Variants in ANKRD55 observed in about 807,000 individuals in gnomAD.
The protein encoded by ANKRD55 is ankyrin repeat domain-containing protein 55.
In ANKRD55, 41 loss-of-function variants were observed where a neutral mutation model predicts 60.6. That is an observed-to-expected ratio of 0.68 (90% CI 0.53 to 0.88). The LOEUF (loss-of-function observed/expected upper bound fraction) is 0.88, where lower values mean the gene tolerates loss of function less well. ANKRD55 is among the 40% of genes least tolerant of loss of function. ANKRD55 has a pLI of 0.00. For synonymous variants in ANKRD55, 264 were observed against 290.3 expected (o/e 0.91, Z 0.92); for missense variants, 732 against 767.6 (o/e 0.95, Z 0.55).
At chr5:56,145,617 T>C (rs1757878137) in intron 6 of ANKRD55, among the ~76,000 whole-genome samples, 1 of 152,200 alleles carries the variant, frequency 6.6e-6, no homozygotes, top group Non-Finnish European at 1.5e-5. Flanking sequence ...ATAGGTGCCA[T>C]TGTACTTCTC....
intron 7 of ANKRD55, among the ~76,000 whole-genome samples, chr5:56,132,094 T>A (rs1246325615): frequency 1.3e-5 from 2 of 151,436 alleles, no homozygotes; most frequent in Non-Finnish European, 2.9e-5. Context: ...TAGGGACAGG[T>A]GGAAGGAATT....
At chr5:56,162,116 T>C (rs1342750128) in intron 5 of ANKRD55, 2 of 776,038 alleles carry the variant, frequency 2.6e-6, no homozygotes, top group Non-Finnish European at 3.1e-6. Flanking sequence ...AGGTCAGCTG[T>C]GGTCCAGTGT....
chr5:56,200,281 T>G (rs951340762), intron 2 of ANKRD55, among the ~76,000 whole-genome samples: 1 of 152,172 alleles, frequency 6.6e-6, no homozygotes, highest in Non-Finnish European at 1.5e-5. Context: ...TGTATTTTGC[T>G]AATTCTGACC....
rs186273958 is a variant in ANKRD55, at chr5:56,113,312, C to T, written c.966-1530G>A. 1.5e-3 allele frequency among the ~76,000 whole-genome samples: 226 copies of T among 152,108 alleles called. 1 individual carries two copies. Among genetic ancestry groups the T allele is most frequent in the Admixed American group, 2.2e-3 (34 of 15,272 alleles). On this transcript the variant is annotated intron_variant, in intron 9 of 11. Coordinates refer to ENST00000341048, the MANE Select transcript of ANKRD55 (RefSeq NM_024669.3). The stretch of plus-strand genomic sequence containing the variant: ...AGGTGGTGGGTAAAATGGTGGCTGC[C>T]TCAGTACAAATCAGGACAATAGTGG...
intron 6 of ANKRD55, among the ~76,000 whole-genome samples, chr5:56,147,973 C>A (rs1475903282): frequency 6.6e-6 from 1 of 152,202 alleles, no homozygotes; most frequent in Non-Finnish European, 1.5e-5. Context: ...GGGCAAACAT[C>A]AGGCTTAGCA....
chr5:56,104,616 G>A (rs1482089176), intron 10 of ANKRD55, among the ~76,000 whole-genome samples: 1 of 151,942 alleles, frequency 6.6e-6, no homozygotes, highest in Non-Finnish European at 1.5e-5. Flanking sequence ...GATAGGAAAT[G>A]TTTTCACAGT....
intron 7 of ANKRD55, among the ~76,000 whole-genome samples, chr5:56,128,913 C>T (rs17645980): frequency 0.17 from 26,304 of 152,184 alleles, 2,657 homozygotes; most frequent in South Asian, 0.23. Context: ...CATGTTCATA[C>T]TGGAGGAACT....
Position 56,159,833 on chromosome 5 carries a change from C to G in ANKRD55, c.483G>C (p.Glu161Asp), listed in dbSNP as rs762165503. 3 of 1,613,652 alleles carry G rather than the reference C, an allele frequency of 1.9e-6. No homozygotes were observed. The African/African-American group carries it at 4.0e-5, about 22-fold the overall frequency. ...CTTGTTGCTTGAGAGTGTGGCTCAC[C>G]TCATTGTCCTGGTGATTAATCTCGC... ...NISEINHQDN[E>D]GMTPLHWAAF... The change falls in exon 6 of 12, where the codon GAG becomes GAC. Residue 161 changes from glutamate (E) to aspartate (D), a missense_variant and splice_region_variant. Physicochemically the swap from Glu to Asp is conservative, Grantham distance 45 (BLOSUM62 2). Around this residue, in one of 3 missense-constraint regions of ANKRD55, gnomAD observed 597 missense variants for 607.5 expected, o/e 0.98. Transcript: ENST00000341048.
At chr5:56,161,002 A>G (rs1758314647) in intron 5 of ANKRD55, 1 of 152,176 alleles carries the variant, frequency 6.6e-6, no homozygotes, top group Non-Finnish European at 1.5e-5. Context: ...GATAAAAACT[A>G]CCTATCACAC....
At chr5:56,217,039 G>A (rs911226520) in intron 2 of ANKRD55, among the ~76,000 whole-genome samples, 1 of 152,206 alleles carries the variant, frequency 6.6e-6, no homozygotes, top group African/African-American at 2.4e-5. Context: ...TGCTTCAAAG[G>A]ACTCTTGTTA....
At chr5:56,187,368 A>G (rs1335704211) in intron 2 of ANKRD55, among the ~76,000 whole-genome samples, 3 of 152,260 alleles carry the variant, frequency 2.0e-5, no homozygotes, top group African/African-American at 7.2e-5. Context: ...GTCTGAGAGC[A>G]CAGCGGGAGG....
chr5:56,142,760 T>C (rs1275855085), intron 7 of ANKRD55, among the ~76,000 whole-genome samples: 1 of 152,192 alleles, frequency 6.6e-6, no homozygotes, highest in African/African-American at 2.4e-5. Context: ...GGGCAGAGAC[T>C]GGCAGCGATG....
intron 2 of ANKRD55, among the ~76,000 whole-genome samples, chr5:56,199,094 A>AACAAACAAACAG (rs2111854693): frequency 6.6e-6 from 1 of 151,866 alleles, no homozygotes; most frequent in Non-Finnish European, 1.5e-5. Flanking sequence ...CAAACAAACA[A>AACAAACAAACAG]ACAAACAAAC....
intron 8 of ANKRD55, among the ~76,000 whole-genome samples, chr5:56,117,143 CCTT>C (rs1756908907): frequency 6.6e-6 from 1 of 152,178 alleles, no homozygotes; most frequent in Admixed American, 6.5e-5. Flanking sequence ...TGTTTCTCCT[CCTT>C]CTGTAATACT....
At position 56,166,199 on chromosome 5, in the gene ANKRD55, T is replaced by TTCCTTCCTTCCTTCCTTCCTTCTC. The variant is rs769664867; in HGVS notation, c.422+4494_422+4495insGAGAAGGAAGGAAGGAAGGAAGGA. 1.4e-3 allele frequency among the ~76,000 whole-genome samples: 134 copies of TTCCTTCCTTCCTTCCTTCCTTCTC among 96,112 alleles called. 11 individuals are homozygous for TTCCTTCCTTCCTTCCTTCCTTCTC. Among genetic ancestry groups the TTCCTTCCTTCCTTCCTTCCTTCTC allele is most frequent in the African/African-American group, 6.3e-3 (108 of 17,192 alleles). 63.1% of individuals were successfully genotyped at this position (96,112 alleles called of 152,430 possible). A position where few individuals can be genotyped will look rare whatever the true frequency, so the allele number is the denominator to read the frequency against. ...CTTCCTTCCTTCCTTCCTTCCTTCC[T>TTCCTTCCTTCCTTCCTTCCTTCTC]TCTCTCTCTCTCTCTCTCTTTCTTT... is the stretch of plus-strand genomic sequence containing the variant. On this transcript the variant is annotated intron_variant, in intron 5 of 11. Transcript: ENST00000341048.
chr5:56,160,900 A>G (rs1338284615), intron 5 of ANKRD55: 1 of 152,214 alleles, frequency 6.6e-6, no homozygotes, highest in Non-Finnish European at 1.5e-5. Context: ...GCTTGGGTTT[A>G]CATCCCAGCC....
At position 56,168,788 on chromosome 5, in the gene ANKRD55, G is replaced by C. The variant is rs140036586; in HGVS notation, c.422+1906C>G. Among the ~76,000 whole-genome samples the C allele has an allele frequency of 8.5e-5, 13 of 152,316 alleles. No homozygotes were observed. The East Asian group carries it at 2.5e-3, about 29-fold the overall frequency. On this transcript the variant is annotated intron_variant, in intron 5 of 11. Coordinates refer to ENST00000341048, the MANE Select transcript of ANKRD55 (RefSeq NM_024669.3). ...AGGTGCTACAGAATGGAAGAAGCTT[G>C]GGTCCCTGAATTGCCATGTGGCAGG... is the stretch of plus-strand genomic sequence containing the variant.
At chr5:56,112,292 C>T (rs1756736320) in intron 9 of ANKRD55, among the ~76,000 whole-genome samples, 1 of 151,874 alleles carries the variant, frequency 6.6e-6, no homozygotes, top group African/African-American at 2.4e-5. Flanking sequence ...GGACCGAGTG[C>T]TGACCGACTG....
intron 8 of ANKRD55, among the ~76,000 whole-genome samples, chr5:56,124,910 C>G (rs1360728843): frequency 6.6e-6 from 1 of 152,192 alleles, no homozygotes; most frequent in Admixed American, 6.5e-5. Flanking sequence ...AGGATTTGAT[C>G]AGTACATGAG....
Sources: gnomAD v4.1 joint callset for allele counts (sites outside exome capture counted in the v4.1 genomes callset) on GRCh38, gnomAD v4.1.1 for gene constraint, gnomAD v4.1.1 regional missense constraint, MANE v1.5 for transcripts, NCBI Gene and HGNC (gene_info 2026-07-23, HGNC 2026-07-21) for gene names.